The following RAI14 variants were observed in gnomAD, a reference collection of about 807,000 sequenced individuals.
The protein encoded by RAI14 is ankycorbin.
Under a neutral mutation model 115.4 loss-of-function variants are expected in RAI14, and 45 were observed. The observed-to-expected ratio is 0.39, with a 90% confidence interval of 0.31 to 0.50. RAI14 has a LOEUF of 0.50. Ranked by LOEUF, RAI14 falls within the 20% of genes least tolerant of loss-of-function variation. The pLI is 0.85. For missense variants in RAI14, 939 were observed against 1,131.2 expected, an observed-to-expected ratio of 0.83 and a Z score of 2.44; for synonymous variants, 371 against 415.4, an observed-to-expected ratio of 0.89 and a Z score of 1.30.
At position 34,823,653 on chromosome 5, in the gene RAI14, C is replaced by T. The variant is rs1757144410; in HGVS notation, c.1811C>T (p.Ala604Val). ...KAFLFEKYQEAQEEIMKLKDT... is the reference protein window; with the variant it reads ...KAFLFEKYQEVQEEIMKLKDT... ...TTTTTGTTTGAGAAATACCAAGAAG[C>T]CCAAGAAGAAATCATGAAATTAAAA... The change falls in exon 15 of 18, where the codon GCC becomes GTC. Residue 604 changes from alanine to valine, a missense_variant. Ala to Val is a moderately conservative substitution (Grantham distance 64, BLOSUM62 0). Transcript: ENST00000265109. The surrounding 1 kb of genome is among the most constrained non-coding windows in gnomAD (Gnocchi z 4.5). 1.2e-6 allele frequency: 2 copies of T among 1,613,480 alleles called. No individual in the cohort carries two copies. Among genetic ancestry groups the T allele is most frequent in the Middle Eastern group, 1.6e-4 (1 of 6,084 alleles).
intron 2 of RAI14, 115 bp downstream of exon 2, chr5:34,687,070 TG>T: frequency 8.9e-7 from 1 of 1,119,040 alleles, no homozygotes; most frequent in Admixed American, 1.9e-5. Flanking sequence ...GACACTCAAG[TG>T]CTCTTGGCCC....
chr5:34,755,509 A>C (rs1315297610), intron 2 of RAI14, among the ~76,000 whole-genome samples: 1 of 152,136 alleles, frequency 6.6e-6, no homozygotes, highest in Non-Finnish European at 1.5e-5. Flanking sequence ...CAAGTGGCTC[A>C]TGCAGTATTG....
At chr5:34,756,384 T>A (rs1747879642) in intron 2 of RAI14, among the ~76,000 whole-genome samples, 1 of 152,208 alleles carries the variant, frequency 6.6e-6, no homozygotes, top group Non-Finnish European at 1.5e-5. Flanking sequence ...CTTCAGAGGC[T>A]GCAAGGAAGC....
chr5:34,811,237 CT>C (rs1755546832), intron 8 of RAI14, 119 bp downstream of exon 8: 2 of 1,171,018 alleles, frequency 1.7e-6, no homozygotes, highest in Non-Finnish European at 2.4e-6. Flanking sequence ...AACTTCTTAC[CT>C]TTTTAAAGTT....
intron 2 of RAI14, chr5:34,733,024 C>T (rs1744397328): frequency 6.6e-6 from 1 of 152,034 alleles, no homozygotes; most frequent in Non-Finnish European, 1.5e-5. Context: ...GTTTCTGAGA[C>T]ACAAACTGAT....
chr5:34,755,163 T>G (rs1747717029), intron 2 of RAI14, among the ~76,000 whole-genome samples: 1 of 150,772 alleles, frequency 6.6e-6, no homozygotes, highest in Non-Finnish European at 1.5e-5. Flanking sequence ...CTTGATCATT[T>G]GCTGTAGTTG....
intron 3 of RAI14, among the ~76,000 whole-genome samples, chr5:34,792,030 T>C (rs1467992270): frequency 6.6e-6 from 1 of 152,134 alleles, no homozygotes; most frequent in Non-Finnish European, 1.5e-5. Context: ...GCAGAGAGAA[T>C]GCACAGCGCT....
chr5:34,696,791 GCAGCATGCTGCT>G (rs1338409080), intron 2 of RAI14, among the ~76,000 whole-genome samples: 1 of 152,212 alleles, frequency 6.6e-6, no homozygotes, highest in African/African-American at 2.4e-5. Context: ...GAAGTCTGTT[GCAGCATGCTGCT>G]GTAGGTGAAG....
In RAI14 at chr5:34,822,597, C is replaced by T. The variant is rs116590868; in HGVS notation, c.1114-359C>T. Among the ~76,000 whole-genome samples the T allele has an allele frequency of 3.5e-3, 526 of 149,814 alleles. 3 individuals carry two copies. The highest frequency in any genetic ancestry group is 0.012 in the African/African-American group (479 of 41,072). The stretch of plus-strand genomic sequence containing the variant: ...AGGCAAAGTGATCATGCTACTCTCC[C>T]GTACCAAAGTTGCGGATTTACTCCT... On this transcript the variant is annotated intron_variant, in intron 14 of 17. Transcript: ENST00000265109.
At chr5:34,692,004 T>A (rs1738661594) in intron 2 of RAI14, among the ~76,000 whole-genome samples, 1 of 152,230 alleles carries the variant, frequency 6.6e-6, no homozygotes, top group Non-Finnish European at 1.5e-5. Flanking sequence ...GGCTCACACC[T>A]GTAATCCTAG....
In RAI14 at chr5:34,757,562, C is replaced by T; in HGVS notation, c.131C>T (p.Ala44Val). 2 of 1,613,626 alleles carry T rather than the reference C, an allele frequency of 1.2e-6. No individual in the cohort carries two copies. The highest frequency in any genetic ancestry group is 2.2e-5 in the East Asian group (1 of 44,872). ...KVASLLGKKG[A>V]SATKHDSEGK... Reference sequence around the variant, plus strand: ...GCCTCACTGCTCGGCAAGAAGGGGGCCAGTGCCACCAAACACGACAGTGAG... The same window carrying T: ...GCCTCACTGCTCGGCAAGAAGGGGGTCAGTGCCACCAAACACGACAGTGAG... Residue 44 changes from alanine (A) to valine (V), a missense_variant, in exon 3 of 18, where the codon GCC becomes GTC. By Grantham distance (64) the Ala-to-Val change is moderately conservative. Transcript: ENST00000265109.
chr5:34,688,185 C>A, intron 2 of RAI14: 1 of 1,549,462 alleles, frequency 6.5e-7, no homozygotes, highest in Admixed American at 2.0e-5. Flanking sequence ...TCAACCTCAT[C>A]GTCTGCTGGC....
chr5:34,773,341 T>C (rs1192065924), intron 3 of RAI14, among the ~76,000 whole-genome samples: 2 of 152,148 alleles, frequency 1.3e-5, no homozygotes, highest in Admixed American at 1.3e-4. Context: ...CTTCAAAACA[T>C]TGGTCTAGGC....
intron 2 of RAI14, 151 bp from the exon 3 acceptor site, chr5:34,757,317 G>T: frequency 1.1e-6 from 1 of 874,894 alleles, no homozygotes. Flanking sequence ...TCTCCATGGT[G>T]AAGGGGAAGG....
chr5:34,683,251 C>T (rs921944483), intron 1 of RAI14, among the ~76,000 whole-genome samples: 3 of 152,104 alleles, frequency 2.0e-5, no homozygotes, highest in African/African-American at 7.2e-5. Context: ...TCCTTTGACA[C>T]TTATCTTTAT....
At chr5:34,666,435 C>A (rs2149847878) in intron 1 of RAI14, among the ~76,000 whole-genome samples, 1 of 152,278 alleles carries the variant, frequency 6.6e-6, no homozygotes, top group East Asian at 1.9e-4. Context: ...CCTTTTTCTT[C>A]TTGGCCCCCC....
At chr5:34,754,057 G>A (rs1278501371) in intron 2 of RAI14, among the ~76,000 whole-genome samples, 1 of 150,886 alleles carries the variant, frequency 6.6e-6, no homozygotes, top group African/African-American at 2.4e-5. Flanking sequence ...CTCCAGGCTG[G>A]GCAACAAGGT....
At chr5:34,695,303 A>G (rs1457736641) in intron 2 of RAI14, among the ~76,000 whole-genome samples, 1 of 152,224 alleles carries the variant, frequency 6.6e-6, no homozygotes, top group Non-Finnish European at 1.5e-5. Context: ...TGTAATAACA[A>G]AATACCCTAT....
intron 2 of RAI14, among the ~76,000 whole-genome samples, chr5:34,709,575 AT>A (rs1307137963): frequency 6.6e-6 from 1 of 152,218 alleles, no homozygotes; most frequent in East Asian, 1.9e-4. Context: ...CTCTGTTGAC[AT>A]TTGGAAAAAA....
Sources: gnomAD v4.1 joint callset for allele counts (sites outside exome capture counted in the v4.1 genomes callset) on GRCh38, gnomAD v4.1.1 for gene constraint, Gnocchi (gnomAD v3.1) non-coding constraint, MANE v1.5 for transcripts, NCBI Gene and HGNC (gene_info 2026-07-23, HGNC 2026-07-21) for gene names.